CADM2: variants seen among roughly 807,000 people sequenced by gnomAD.
CADM2 encodes the protein immunoglobulin superfamily member 4D.
CADM2 carries 12 observed loss-of-function variants against 49.8 expected under a neutral mutation model. The observed-to-expected ratio is 0.24, with a 90% confidence interval of 0.15 to 0.39. CADM2 has a LOEUF of 0.39. Among genes scored for constraint, CADM2 ranks in the 10% least tolerant of loss-of-function variants. The pLI, the probability that CADM2 is intolerant of heterozygous loss-of-function variation, is 1.00. For missense variants in CADM2, 378 were observed against 492.3 expected (o/e 0.77, Z 2.20); for synonymous variants, 214 against 175.4 (o/e 1.22, Z -1.74).
intron 1 of CADM2, among the ~76,000 whole-genome samples, chr3:85,079,200 A>G (rs549311494): frequency 1.4e-4 from 22 of 151,980 alleles, no homozygotes; most frequent in African/African-American, 5.3e-4. Context: ...CATATAAAAC[A>G]TTCATAATGT....
chr3:85,307,147 A>G (rs753467967), intron 1 of CADM2, among the ~76,000 whole-genome samples: 3 of 151,590 alleles, frequency 2.0e-5, no homozygotes, highest in Non-Finnish European at 4.4e-5. Context: ...GTATATATTA[A>G]TTTACGTATA....
At chr3:86,060,179 A>G (rs1738450652) in intron 8 of CADM2, among the ~76,000 whole-genome samples, 1 of 152,124 alleles carries the variant, frequency 6.6e-6, no homozygotes, top group African/African-American at 2.4e-5. Context: ...TGATAAATTT[A>G]AATTGATCTA....
chr3:85,283,744 A>G (rs1261597530), intron 1 of CADM2, among the ~76,000 whole-genome samples: 1 of 152,146 alleles, frequency 6.6e-6, no homozygotes, highest in African/African-American at 2.4e-5. Flanking sequence ...AATATCTGCA[A>G]TGTACATTAT....
chr3:86,032,517 T>A (rs1282340771), intron 8 of CADM2, among the ~76,000 whole-genome samples: 1 of 151,900 alleles, frequency 6.6e-6, no homozygotes, highest in Non-Finnish European at 1.5e-5. Context: ...AGTTATAACA[T>A]ATATTAATGA....
intron 3 of CADM2, among the ~76,000 whole-genome samples, chr3:85,841,439 C>G (rs1347848396): frequency 6.6e-6 from 1 of 151,954 alleles, no homozygotes; most frequent in Admixed American, 6.6e-5. Flanking sequence ...ATATTACTTT[C>G]ATTTCCATAT....
At chr3:85,617,436 A>G (rs2063830199) in intron 1 of CADM2, among the ~76,000 whole-genome samples, 1 of 152,162 alleles carries the variant, frequency 6.6e-6, no homozygotes, top group Admixed American at 6.6e-5. Flanking sequence ...TCCTGTCCCT[A>G]TGGGGTTGCA....
intron 1 of CADM2, among the ~76,000 whole-genome samples, chr3:85,409,331 G>C (rs1559825216): frequency 6.6e-6 from 1 of 152,058 alleles, no homozygotes; most frequent in South Asian, 2.1e-4. Flanking sequence ...CTAATATTAT[G>C]AGATTATATT....
chr3:85,303,665 T>C (rs944228980), intron 1 of CADM2, among the ~76,000 whole-genome samples: 2 of 151,968 alleles, frequency 1.3e-5, no homozygotes, highest in Admixed American at 6.6e-5. Context: ...TTTGACTTTC[T>C]CTTGGTATCA....
intron 1 of CADM2, among the ~76,000 whole-genome samples, chr3:85,341,783 T>G (rs1377840896): frequency 6.6e-6 from 1 of 152,100 alleles, no homozygotes; most frequent in Non-Finnish European, 1.5e-5. Flanking sequence ...GATTTAATCA[T>G]TCATTCAATC....
rs111814875 is a variant in CADM2 at position 85,259,605 on chromosome 3, A to T, written c.61+299937A>T. On this transcript the variant is annotated intron_variant, in intron 1 of 9. Coordinates refer to ENST00000383699, the MANE Select transcript of CADM2 (RefSeq NM_001167675.2). ...CAAAATATGTACATATTTTTACTGCACTGAATAAATGTGGTAGCTCATACA... is the reference window on the plus strand; with the variant it reads ...CAAAATATGTACATATTTTTACTGCTCTGAATAAATGTGGTAGCTCATACA... Among the ~76,000 whole-genome samples, 1,058 of 152,248 alleles carry T rather than the reference A, an allele frequency of 6.9e-3. 10 individuals are homozygous for T. The highest frequency in any genetic ancestry group is 0.023 in the African/African-American group (970 of 41,558).
chr3:85,076,642 C>T (rs934274788), intron 1 of CADM2, among the ~76,000 whole-genome samples: 3 of 151,820 alleles, frequency 2.0e-5, no homozygotes, highest in Non-Finnish European at 4.4e-5. Context: ...CCACCACACC[C>T]GGCCATATTG....
intron 1 of CADM2, among the ~76,000 whole-genome samples, chr3:85,596,856 A>T (rs2063257440): frequency 6.6e-6 from 1 of 152,046 alleles, no homozygotes; most frequent in Non-Finnish European, 1.5e-5. Flanking sequence ...AGCCGGAACT[A>T]CAGGCATGCC....
At chr3:85,275,289 A>C (rs921674723) in intron 1 of CADM2, among the ~76,000 whole-genome samples, 1 of 151,478 alleles carries the variant, frequency 6.6e-6, no homozygotes, top group Non-Finnish European at 1.5e-5. Flanking sequence ...GTGTTTTATG[A>C]GTTCCCAAGG....
At chr3:85,290,224 T>A (rs1410347873) in intron 1 of CADM2, among the ~76,000 whole-genome samples, 1 of 152,168 alleles carries the variant, frequency 6.6e-6, no homozygotes, top group Non-Finnish European at 1.5e-5. Context: ...TACTGCGCTT[T>A]TCCGATCGGC....
chr3:85,844,410 A>G (rs1198129913), intron 3 of CADM2, among the ~76,000 whole-genome samples: 2 of 152,142 alleles, frequency 1.3e-5, no homozygotes, highest in African/African-American at 4.8e-5. Flanking sequence ...TTTCCGTAGG[A>G]AATATATAAG....
At chr3:85,672,042 G>A (rs1443076448) in intron 1 of CADM2, among the ~76,000 whole-genome samples, 1 of 152,104 alleles carries the variant, frequency 6.6e-6, no homozygotes, top group African/African-American at 2.4e-5. Context: ...TAGGGTAGGT[G>A]TTCAATAAAT....
intron 1 of CADM2, among the ~76,000 whole-genome samples, chr3:85,413,096 G>A (rs1465891886): frequency 5.9e-5 from 7 of 118,018 alleles, no homozygotes; most frequent in East Asian, 5.5e-4. Context: ...AGCCGAGATC[G>A]CACCACTGCA....
At chr3:85,860,402 A>G (rs1221140305) in intron 3 of CADM2, among the ~76,000 whole-genome samples, 1 of 152,196 alleles carries the variant, frequency 6.6e-6, no homozygotes, top group Non-Finnish European at 1.5e-5. Flanking sequence ...ATGGAGGGAA[A>G]AAAAACAAGA....
intron 1 of CADM2, among the ~76,000 whole-genome samples, chr3:85,276,339 C>T (rs936084158): frequency 4.0e-5 from 6 of 151,272 alleles, no homozygotes; most frequent in South Asian, 2.1e-4. Flanking sequence ...TGTACTTTGA[C>T]GTAATAAAAA....
Sources: allele counts gnomAD v4.1 joint callset (sites outside exome capture counted in the v4.1 genomes callset), GRCh38; gene constraint gnomAD v4.1.1; transcripts MANE v1.5; gene names NCBI Gene and HGNC (gene_info 2026-07-23, HGNC 2026-07-21).